Variants in KMT2E observed in about 807,000 individuals in gnomAD.
KMT2E encodes the protein histone reader KMT2E.
A neutral mutation model predicts 184.6 loss-of-function variants in KMT2E; 30 were observed. The observed-to-expected ratio is 0.16, with a 90% CI of 0.12 to 0.22. The LOEUF (loss-of-function observed/expected upper bound fraction) is 0.22, where lower values mean the gene tolerates loss of function less well. Among genes scored for constraint, KMT2E ranks in the 10% least tolerant of loss-of-function variants. The pLI is 1.00. For missense variants in KMT2E, 2,023 were observed against 2,237.4 expected (o/e 0.90, Z 1.93); for synonymous variants, 815 against 776.5 (o/e 1.05, Z -0.82).
At chr7:105,076,696 T>G (rs1201792773) in intron 9 of KMT2E, among the ~76,000 whole-genome samples, 2 of 152,186 alleles carry the variant, frequency 1.3e-5, no homozygotes, top group African/African-American at 4.8e-5. Flanking sequence ...TTTTCTGGCT[T>G]AGGTAGAAAA....
At chr7:105,036,363 T>C (rs1795659066) in intron 1 of KMT2E, among the ~76,000 whole-genome samples, 1 of 151,994 alleles carries the variant, frequency 6.6e-6, no homozygotes, top group Admixed American at 6.6e-5. Flanking sequence ...GGGACACGGT[T>C]ACACCATGTT....
chr7:105,102,637 C>A (rs1286512427), intron 17 of KMT2E: 1 of 153,722 alleles, frequency 6.5e-6, no homozygotes, highest in Non-Finnish European at 1.4e-5. Flanking sequence ...TAATAAAAAT[C>A]TCTGAAACAC....
At chr7:105,072,279 C>T (rs902739750) in intron 6 of KMT2E, among the ~76,000 whole-genome samples, 3 of 151,984 alleles carry the variant, frequency 2.0e-5, no homozygotes, top group East Asian at 1.9e-4. Context: ...GGTCGCACCA[C>T]GGAACTCCAG....
chr7:105,081,120 G>A (rs556054668), intron 12 of KMT2E, among the ~76,000 whole-genome samples: 68 of 143,844 alleles, frequency 4.7e-4, no homozygotes, highest in African/African-American at 1.8e-3. Context: ...GGTGGCTCAC[G>A]CCTGTAATCC....
chr7:105,103,996 T>C (rs1383525215), intron 17 of KMT2E: 1 of 152,052 alleles, frequency 6.6e-6, no homozygotes, highest in Non-Finnish European at 1.5e-5. Context: ...CCAGCTAATT[T>C]TTTTGTATTT....
intron 6 of KMT2E, among the ~76,000 whole-genome samples, chr7:105,069,969 C>T (rs745732362): frequency 7.9e-5 from 12 of 152,120 alleles, no homozygotes; most frequent in Non-Finnish European, 1.0e-4. Flanking sequence ...TTTTATCCAG[C>T]GTGATTCCCT....
intron 3 of KMT2E, 70 bp downstream of exon 3, chr7:105,041,093 A>G: frequency 1.1e-6 from 1 of 913,958 alleles, no homozygotes; most frequent in Non-Finnish European, 1.6e-6. Flanking sequence ...AAGTAGGAAG[A>G]AGTATAAGTG....
intron 9 of KMT2E, 120 bp from the exon 10 acceptor site, chr7:105,076,843 A>T: frequency 2.8e-6 from 2 of 715,970 alleles, no homozygotes; most frequent in Non-Finnish European, 4.8e-6. Context: ...AGTTTATATT[A>T]TGTTCTTTTG....
chr7:105,084,108 C>T lies in KMT2E; in HGVS notation c.1358+2311C>T, dbSNP rs1341935929. 2.0e-5 allele frequency among the ~76,000 whole-genome samples: 3 copies of T among 152,168 alleles called. No homozygotes were observed. The South Asian group carries it at 6.2e-4, about 32-fold the overall frequency. On this transcript the variant is annotated intron_variant, in intron 13 of 26. Coordinates refer to ENST00000311117, the MANE Select transcript of KMT2E (RefSeq NM_182931.3). ...GTTTTCACATTCTGCGGCCCAGCTG[C>T]GGTGATGGCTCCACAAATTTCCTTT...
intron 2 of KMT2E, among the ~76,000 whole-genome samples, chr7:105,038,817 ATTATAAGATTTT>A (rs909135411): frequency 7.1e-6 from 1 of 141,836 alleles, no homozygotes; most frequent in African/African-American, 3.2e-5. Context: ...GAATTTTCTC[ATTATAAGATTTT>A]TTATATTAAT....
chr7:105,108,062 A>C, intron 22 of KMT2E, 137 bp downstream of exon 22: 1 of 611,738 alleles, frequency 1.6e-6, no homozygotes, highest in South Asian at 4.4e-5. Flanking sequence ...ATATTTTTAA[A>C]CCTTTTGTAA....
At chr7:105,039,922 C>G (rs1209345539) in intron 2 of KMT2E, among the ~76,000 whole-genome samples, 8 of 152,160 alleles carry the variant, frequency 5.3e-5, no homozygotes, top group South Asian at 2.1e-4. Context: ...CCTGTAGCCA[C>G]TGTTATGTAG....
intron 15 of KMT2E, among the ~76,000 whole-genome samples, chr7:105,095,026 A>T (rs1798347842): frequency 6.6e-6 from 1 of 152,182 alleles, no homozygotes; most frequent in African/African-American, 2.4e-5. Flanking sequence ...ATAATTTCAT[A>T]TACCACTGAT....
intron 1 of KMT2E, among the ~76,000 whole-genome samples, chr7:105,021,532 GAA>G (rs2129564005): frequency 6.6e-6 from 1 of 152,270 alleles, no homozygotes; most frequent in African/African-American, 2.4e-5. Context: ...AGGCTATAGG[GAA>G]ATCTCACATA....
intron 3 of KMT2E, among the ~76,000 whole-genome samples, chr7:105,054,432 G>A (rs1327227971): frequency 6.6e-6 from 1 of 151,770 alleles, no homozygotes; most frequent in Admixed American, 6.6e-5. Context: ...ATTATTTGTT[G>A]TAAAAGCAAG....
At chr7:105,090,521 T>A (rs950745937) in intron 14 of KMT2E, among the ~76,000 whole-genome samples, 2 of 152,204 alleles carry the variant, frequency 1.3e-5, no homozygotes, top group African/African-American at 4.8e-5. Flanking sequence ...TAAGACTAGA[T>A]AACTTTTAAA....
intron 2 of KMT2E, among the ~76,000 whole-genome samples, chr7:105,039,808 CTGT>C (rs1373626757): frequency 1.3e-5 from 2 of 152,088 alleles, no homozygotes; most frequent in Non-Finnish European, 2.9e-5. Flanking sequence ...AGGATAATGA[CTGT>C]TGCTGTTTTC....
chr7:105,055,035 G>A (rs1333807784), intron 3 of KMT2E, among the ~76,000 whole-genome samples: 2 of 152,058 alleles, frequency 1.3e-5, no homozygotes, highest in Non-Finnish European at 2.9e-5. Flanking sequence ...TCTCTGATCA[G>A]TTTCAGGGCT....
At chr7:105,056,809 A>G (rs1796585251) in intron 3 of KMT2E, among the ~76,000 whole-genome samples, 1 of 152,194 alleles carries the variant, frequency 6.6e-6, no homozygotes, top group African/African-American at 2.4e-5. Context: ...GAGAAAATGC[A>G]TTTTCACATC....
Sources: gnomAD v4.1 joint callset for allele counts (sites outside exome capture counted in the v4.1 genomes callset) on GRCh38, gnomAD v4.1.1 for gene constraint, MANE v1.5 for transcripts, NCBI Gene and HGNC (gene_info 2026-07-23, HGNC 2026-07-21) for gene names.